The following PIK3R6 variants were observed in gnomAD, a reference collection of about 807,000 sequenced individuals.
PIK3R6 encodes phosphoinositide-3-kinase regulatory subunit 6.
Under a neutral mutation model 84.9 loss-of-function variants are expected in PIK3R6, and 91 were observed. The ratio of observed to expected loss-of-function variants is 1.07; its 90% CI spans 0.90 to 1.28. The LOEUF is 1.28. Among genes scored for constraint, PIK3R6 ranks in the 50% most tolerant of loss-of-function variants. PIK3R6 has a pLI of 0.00. For synonymous variants in PIK3R6, 416 were observed against 411.4 expected, an observed-to-expected ratio of 1.01 and a Z score of -0.13; for missense variants, 996 against 985.1, an observed-to-expected ratio of 1.01 and a Z score of -0.15.
chr17:8,860,757 TC>T (rs2089262081), intron 1 of PIK3R6, among the ~76,000 whole-genome samples: 1 of 152,108 alleles, frequency 6.6e-6, no homozygotes, highest in African/African-American at 2.4e-5. Flanking sequence ...ACATGCAGCT[TC>T]CCTGTAGAAG....
chr17:8,805,413 G>A (rs934754100), intron 18 of PIK3R6, among the ~76,000 whole-genome samples: 5 of 152,076 alleles, frequency 3.3e-5, no homozygotes, highest in African/African-American at 1.2e-4. Context: ...AGAGGGGAAG[G>A]GGAACCTACT....
At chr17:8,819,387 C>T (rs924893125) in intron 17 of PIK3R6, among the ~76,000 whole-genome samples, 189 bp from the exon 18 acceptor site, 2 of 152,114 alleles carry the variant, frequency 1.3e-5, no homozygotes, top group Admixed American at 1.3e-4. Context: ...CATCTTCCTT[C>T]CCTGGTGAAT....
chr17:8,852,669 G>A (rs955835373), intron 1 of PIK3R6, among the ~76,000 whole-genome samples: 1 of 151,736 alleles, frequency 6.6e-6, no homozygotes, highest in African/African-American at 2.4e-5. Context: ...AACCTGGGAG[G>A]TGGAGGTTGT....
At chr17:8,861,760 G>A (rs537597785) in intron 1 of PIK3R6, among the ~76,000 whole-genome samples, 8 of 152,336 alleles carry the variant, frequency 5.3e-5, no homozygotes, top group Non-Finnish European at 1.0e-4. Flanking sequence ...GATATGCCAA[G>A]GGGATGCCTA....
chr17:8,828,725 G>A lies in PIK3R6; in HGVS notation c.1155C>T (p.Gly385=). The change falls in exon 11 of 20, where the codon GGC becomes GGT. Residue 385 remains glycine (G), a synonymous_variant. Coordinates refer to ENST00000619866, the MANE Select transcript of PIK3R6 (RefSeq NM_001010855.4). ...GCAGCCCTGGGGGCCCGTCCCAGCT[G>A]CCAGGCATCAAGAAGTCCAGGGGCC... ...RAWPLDFLMP[G]SWDGPPGLHR... is the part of the protein sequence containing the mutation. 1 of 1,609,204 alleles carries A rather than the reference G, an allele frequency of 6.2e-7. No individual in the cohort carries two copies. The highest frequency in any genetic ancestry group is 2.2e-5 in the East Asian group (1 of 44,724).
At chr17:8,819,918 A>ATTTTATATATATATATATAT (rs1347676730) in intron 17 of PIK3R6, among the ~76,000 whole-genome samples, 4 of 137,822 alleles carry the variant, frequency 2.9e-5, no homozygotes, top group Non-Finnish European at 6.0e-5. Flanking sequence ...ACATATATAT[A>ATTTTATATATATATATATAT]TTTTATATAT....
chr17:8,829,798 G>A lies in PIK3R6; in HGVS notation c.803-6C>T. ...CCGCTCTTGGACAAGGTCACCTGCA[G>A]AAAGGAGCAGGCTGTGGAGGCCATG... On this transcript the variant is annotated splice_region_variant and splice_polypyrimidine_tract_variant and intron_variant, in intron 9 of 19. Coordinates refer to ENST00000619866, the MANE Select transcript of PIK3R6 (RefSeq NM_001010855.4). 3 of 1,549,748 alleles carry A rather than the reference G, an allele frequency of 1.9e-6. No individual in the cohort carries two copies. The African/African-American group carries it at 4.1e-5, about 21-fold the overall frequency.
intron 18 of PIK3R6, among the ~76,000 whole-genome samples, chr17:8,807,053 T>C (rs887754611): frequency 2.6e-5 from 4 of 152,200 alleles, no homozygotes. Flanking sequence ...AAAGAGGTCA[T>C]TAAAAACAGA....
intron 2 of PIK3R6, among the ~76,000 whole-genome samples, chr17:8,847,776 C>A (rs1238062204): frequency 6.6e-6 from 1 of 151,292 alleles, no homozygotes; most frequent in East Asian, 1.9e-4. Context: ...GCACTCCAGC[C>A]TGGGTGGCAG....
chr17:8,830,369 C>T (rs953624738), intron 9 of PIK3R6, among the ~76,000 whole-genome samples: 1 of 152,234 alleles, frequency 6.6e-6, no homozygotes, highest in African/African-American at 2.4e-5. Context: ...TTTCTGACCA[C>T]TCCAGTGGCC....
intron 1 of PIK3R6, among the ~76,000 whole-genome samples, chr17:8,858,468 C>T (rs941178532): frequency 7.9e-5 from 12 of 151,964 alleles, no homozygotes; most frequent in Non-Finnish European, 2.9e-5. Flanking sequence ...AGGCACCCGC[C>T]GCCACCCCTG....
chr17:8,845,778 C>T (rs886431554), intron 2 of PIK3R6, among the ~76,000 whole-genome samples: 2 of 152,068 alleles, frequency 1.3e-5, no homozygotes, highest in African/African-American at 4.8e-5. Context: ...AAAATCCTGT[C>T]TCTACTAAAA....
chr17:8,822,614 C>T lies in PIK3R6; in HGVS notation c.1761G>A (p.Gly587=). ...PRRRGVAEGP[G]AELSLCYQKA... ...TCTGGTAGCATAGGGAGAGCTCTGC[C>T]CCTGGGCCCTCAGCCACGCCTCTCC... Residue 587 remains glycine, a synonymous_variant, in exon 16 of 20, where the codon GGG becomes GGA. Transcript: ENST00000619866. 6.2e-7 allele frequency: 1 copy of T among 1,614,038 alleles called. No individual in the cohort carries two copies. Among genetic ancestry groups the T allele is most frequent in the Non-Finnish European group, 8.5e-7 (1 of 1,179,902 alleles).
intron 8 of PIK3R6, among the ~76,000 whole-genome samples, chr17:8,834,213 A>C (rs1316706866): frequency 6.6e-6 from 1 of 151,284 alleles, no homozygotes; most frequent in Non-Finnish European, 1.5e-5. Context: ...AGAACGTTCC[A>C]AGCATAGGGA....
intron 18 of PIK3R6, among the ~76,000 whole-genome samples, chr17:8,812,503 C>A (rs907378112): frequency 6.6e-6 from 1 of 152,154 alleles, no homozygotes; most frequent in Non-Finnish European, 1.5e-5. Flanking sequence ...TATGCTAGAC[C>A]ACAAGGTGAG....
rs1360245784 is a variant in PIK3R6 at position 8,839,452 on chromosome 17, A to C, written c.97+162T>G. Among the ~76,000 whole-genome samples the C allele has an allele frequency of 6.6e-6, 1 of 152,198 alleles. No homozygotes were observed. Among genetic ancestry groups the C allele is most frequent in the Non-Finnish European group, 1.5e-5 (1 of 68,020 alleles). ...AACTAGGGAGCAGAGAAGCCTTCTC[A>C]GTCCTTCAGGCTCTAGGTATTTCCA... is the stretch of plus-strand genomic sequence containing the variant. On this transcript the variant is annotated intron_variant, in intron 3 of 19. Transcript: ENST00000619866. The surrounding 1 kb of genome is among the most constrained non-coding windows in gnomAD (Gnocchi z 4.2).
rs139061476 is a variant in PIK3R6, at chr17:8,832,906, G to A, written c.785C>T (p.Ala262Val). 1.2e-3 allele frequency: 1,913 copies of A among 1,612,748 alleles called. 25 individuals are homozygous for A. The East Asian group carries it at 0.027, about 23-fold the overall frequency. Residue 262 changes from alanine (A) to valine (V), a missense_variant, in exon 9 of 20, where the codon GCG becomes GTG. Transcript: ENST00000619866. ...EEIYCSLLGP[A>V]AGRCGGDLVQ... ...TCGCTTACCACCGCAGCGCCCCGCC[G>A]CGGGACCCAGCAGCGAGCAGTAAAT...
Position 8,828,176 on chromosome 17 carries a change from T to C in PIK3R6, c.1328A>G (p.Gln443Arg), listed in dbSNP as rs769892050. Residue 443 changes from glutamine (Q) to arginine (R), a missense_variant, in exon 12 of 20, where the codon CAG becomes CGG. Gln to Arg is a conservative substitution (Grantham distance 43). Coordinates refer to ENST00000619866, the MANE Select transcript of PIK3R6 (RefSeq NM_001010855.4). ...AYHRLRKRETQKFCLTPRLSL... is the reference protein window; with the variant it reads ...AYHRLRKRETRKFCLTPRLSL... ...GAGTCTGGGAGTGAGGCAGAACTTC[T>C]GGGTCTCCCGTTTCCTAGCAATGGG... 5 of 1,613,870 alleles carry C rather than the reference T, an allele frequency of 3.1e-6. No individual in the cohort carries two copies. In the African/African-American group the frequency reaches 6.7e-5, roughly 22 times the overall value.
intron 18 of PIK3R6, among the ~76,000 whole-genome samples, chr17:8,806,450 G>A (rs1026805534): frequency 5.9e-5 from 9 of 152,290 alleles, no homozygotes; most frequent in South Asian, 2.1e-4. Flanking sequence ...ACCTGCCTGC[G>A]GTGTGGGCAG....
Sources: gnomAD v4.1 joint callset for allele counts (sites outside exome capture counted in the v4.1 genomes callset) on GRCh38, gnomAD v4.1.1 for gene constraint, Gnocchi (gnomAD v3.1) non-coding constraint, MANE v1.5 for transcripts, NCBI Gene and HGNC (gene_info 2026-07-23, HGNC 2026-07-21) for gene names.